The following PCSK5 variants were observed in gnomAD, a reference collection of about 807,000 sequenced individuals.
PCSK5 encodes the protein prohormone convertase 5.
PCSK5 carries 129 observed loss-of-function variants against 233.2 expected under a neutral mutation model. That is an observed-to-expected ratio of 0.55 (90% CI 0.48 to 0.64). PCSK5 has a LOEUF of 0.64. Among genes scored for constraint, PCSK5 ranks in the 30% least tolerant of loss-of-function variants. The pLI is 0.00. For missense variants in PCSK5, 2,076 were observed against 2,430.1 expected, an observed-to-expected ratio of 0.85 and a Z score of 3.06; for synonymous variants, 825 against 879.2, an observed-to-expected ratio of 0.94 and a Z score of 1.09.
chr9:76,152,210 T>A (rs1000127769), intron 10 of PCSK5, among the ~76,000 whole-genome samples: 1 of 152,158 alleles, frequency 6.6e-6, no homozygotes, highest in Non-Finnish European at 1.5e-5. Context: ...GCACGTACGG[T>A]GACCAGTCTC....
chr9:76,354,205 G>A lies in PCSK5; in HGVS notation c.5240G>A (p.Cys1747Tyr). The stretch of plus-strand genomic sequence containing the variant: ...CCCAGTGCCCAGGAGTGCTGTGACT[G>A]CCAGGACACCACGGGTGAGGGAAGA... Reference protein sequence around the residue: ...DPPSAQECCDCQDTTDECILR... With the variant: ...DPPSAQECCDYQDTTDECILR... Residue 1747 changes from cysteine (C) to tyrosine (Y), a missense_variant, in exon 37 of 38, where the codon TGC becomes TAC. Physicochemically the swap from Cys to Tyr is radical, Grantham distance 194. Transcript: ENST00000674117. 1 of 1,582,016 alleles carries A rather than the reference G, an allele frequency of 6.3e-7. No homozygotes were observed. Among genetic ancestry groups the A allele is most frequent in the Non-Finnish European group, 8.6e-7 (1 of 1,164,902 alleles).
At chr9:76,260,920 A>G (rs774533377) in intron 24 of PCSK5, among the ~76,000 whole-genome samples, 1 of 152,174 alleles carries the variant, frequency 6.6e-6, no homozygotes, top group African/African-American at 2.4e-5. Context: ...AATATTATTA[A>G]TGGGGTATTT....
rs567851611 is a variant in PCSK5, at chr9:76,013,525, A to G, written c.412-10213A>G. Reference sequence around the variant, plus strand: ...CCTGGAAAGAGATGTAGCCTTCAGTAAAAATTTGTGAGAACTTGAAATGTG... The same window carrying G: ...CCTGGAAAGAGATGTAGCCTTCAGTGAAAATTTGTGAGAACTTGAAATGTG... On this transcript the variant is annotated intron_variant, in intron 3 of 37. Transcript: ENST00000674117. 4.7e-4 allele frequency among the ~76,000 whole-genome samples: 72 copies of G among 152,332 alleles called. 1 individual carries two copies. In the South Asian group the frequency reaches 0.014, roughly 29 times the overall value.
chr9:76,109,826 C>T (rs1001436872), intron 9 of PCSK5, among the ~76,000 whole-genome samples: 5 of 152,178 alleles, frequency 3.3e-5, no homozygotes, highest in African/African-American at 9.6e-5. Flanking sequence ...CTGAAAATCA[C>T]GGGAAAGACG....
chr9:76,189,745 T>C lies in PCSK5; in HGVS notation c.2625T>C (p.Asp875=), dbSNP rs553951644. The C allele has an allele frequency of 5.5e-5, 82 of 1,492,046 alleles. 1 individual carries two copies. In the South Asian group the frequency reaches 8.6e-4, roughly 16 times the overall value. 92.4% of individuals were successfully genotyped at this position (1,492,046 alleles called of 1,614,324 possible). ...GMCQMGAICK[D]GEYVDEHGHC... ...GTCAAATGGGAGCCATTTGCAAGGA[T>C]GGTGAGTACAACTGCCCATATCGAT... Residue 875 remains aspartate, a splice_region_variant and synonymous_variant, in exon 20 of 38, where the codon GAT becomes GAC. Transcript: ENST00000674117.
intron 7 of PCSK5, among the ~76,000 whole-genome samples, chr9:76,078,316 A>G (rs7024200): frequency 0.12 from 18,212 of 152,188 alleles, 1,676 homozygotes; most frequent in African/African-American, 0.25. Flanking sequence ...TTCTGTCACA[A>G]TTGCTTTTGA....
At chr9:76,116,042 CTT>C (rs1215277800) in intron 9 of PCSK5, among the ~76,000 whole-genome samples, 2 of 152,142 alleles carry the variant, frequency 1.3e-5, no homozygotes, top group Non-Finnish European at 1.5e-5. Context: ...TACCAACATT[CTT>C]TTTTTCCTCT....
At chr9:76,138,173 T>G (rs1444081392) in intron 10 of PCSK5, among the ~76,000 whole-genome samples, 1 of 152,142 alleles carries the variant, frequency 6.6e-6, no homozygotes, top group Admixed American at 6.6e-5. Context: ...TGGCGTTGAC[T>G]AATCTGACCT....
intron 3 of PCSK5, among the ~76,000 whole-genome samples, chr9:76,004,439 A>G (rs1224779958): frequency 1.3e-5 from 2 of 152,080 alleles, no homozygotes; most frequent in Non-Finnish European, 2.9e-5. Flanking sequence ...CTCTATTGTA[A>G]AGATATGGTT....
chr9:76,251,154 C>A (rs1473625751), intron 24 of PCSK5, among the ~76,000 whole-genome samples: 1 of 152,096 alleles, frequency 6.6e-6, no homozygotes, highest in East Asian at 1.9e-4. Context: ...CTAGTTCTAG[C>A]TGCTTGGGAT....
At chr9:76,110,442 C>T (rs958513217) in intron 9 of PCSK5, among the ~76,000 whole-genome samples, 6 of 152,244 alleles carry the variant, frequency 3.9e-5, no homozygotes, top group Non-Finnish European at 5.9e-5. Context: ...AGCCTCTCTT[C>T]CTTACATTCC....
intron 1 of PCSK5, among the ~76,000 whole-genome samples, chr9:75,916,741 C>T (rs1476127467): frequency 6.6e-6 from 1 of 151,914 alleles, no homozygotes; most frequent in Non-Finnish European, 1.5e-5. Context: ...TAAATGGGAG[C>T]CAGATATGAT....
At chr9:75,980,945 A>T (rs1675665124) in intron 2 of PCSK5, among the ~76,000 whole-genome samples, 1 of 152,174 alleles carries the variant, frequency 6.6e-6, no homozygotes, top group African/African-American at 2.4e-5. Context: ...AACAACACCC[A>T]AGATGCTCTA....
At chr9:76,344,925 G>C (rs1829935034) in intron 35 of PCSK5, among the ~76,000 whole-genome samples, 3 of 152,164 alleles carry the variant, frequency 2.0e-5, no homozygotes, top group Admixed American at 6.5e-5. Context: ...TGATTGCGGG[G>C]ATTAGATAAA....
chr9:76,171,521 A>T (rs1404292989), intron 13 of PCSK5, among the ~76,000 whole-genome samples: 2 of 152,226 alleles, frequency 1.3e-5, no homozygotes, highest in Non-Finnish European at 2.9e-5. Context: ...CTCCATGATA[A>T]GCCCAGGCTG....
intron 1 of PCSK5, among the ~76,000 whole-genome samples, chr9:75,932,026 T>C (rs1354533487): frequency 6.6e-6 from 1 of 152,242 alleles, no homozygotes; most frequent in African/African-American, 2.4e-5. Context: ...ACTAGATAGC[T>C]ATTTGATTTT....
At chr9:76,302,049 C>A in intron 27 of PCSK5, 88 bp from the exon 28 acceptor site, 1 of 505,870 alleles carries the variant, frequency 2.0e-6, no homozygotes, top group Non-Finnish European at 3.4e-6. Flanking sequence ...GCAGACATTT[C>A]TGGGTGGTGG....
intron 3 of PCSK5, among the ~76,000 whole-genome samples, chr9:76,020,903 G>A (rs1035473553): frequency 3.3e-5 from 5 of 152,140 alleles, no homozygotes; most frequent in African/African-American, 1.2e-4. Flanking sequence ...AGGTGGCCAC[G>A]GCAGGTTTTG....
At chr9:76,150,261 G>A (rs1481699860) in intron 10 of PCSK5, among the ~76,000 whole-genome samples, 1 of 152,138 alleles carries the variant, frequency 6.6e-6, no homozygotes, top group African/African-American at 2.4e-5. Context: ...CAGTAGCACT[G>A]GTGACGGCTG....
Sources: gnomAD v4.1 joint callset for allele counts (sites outside exome capture counted in the v4.1 genomes callset) on GRCh38, gnomAD v4.1.1 for gene constraint, MANE v1.5 for transcripts, NCBI Gene and HGNC (gene_info 2026-07-23, HGNC 2026-07-21) for gene names.